The following PCDHGA6 variants were observed in gnomAD, a reference collection of about 807,000 sequenced individuals.
PCDHGA6 encodes the protein protocadherin gamma subfamily A, 6.
A neutral mutation model predicts 60.6 loss-of-function variants in PCDHGA6; 41 were observed. The observed-to-expected ratio is 0.68, with a 90% CI of 0.53 to 0.88. PCDHGA6 has a LOEUF of 0.88. Among genes scored for constraint, PCDHGA6 ranks in the 40% least tolerant of loss-of-function variants. The pLI is 0.00. For missense variants in PCDHGA6, 1,312 were observed against 1,203.0 expected (o/e 1.09, Z -1.34); for synonymous variants, 594 against 524.4 (o/e 1.13, Z -1.81).
chr5:141,435,558 T>C (rs1401876733), intron 1 of PCDHGA6, among the ~76,000 whole-genome samples: 1 of 152,136 alleles, frequency 6.6e-6, no homozygotes, highest in Non-Finnish European at 1.5e-5. Flanking sequence ...TTTTGAGTGC[T>C]TTTTTTAGTA....
chr5:141,395,053 A>T (rs1210765378), intron 1 of PCDHGA6: 1 of 1,614,062 alleles, frequency 6.2e-7, no homozygotes, highest in East Asian at 2.2e-5. Context: ...GAGGAGGTAC[A>T]GGCTTTCCTG....
chr5:141,484,949 A>C, intron 1 of PCDHGA6: 1 of 557,400 alleles, frequency 1.8e-6, no homozygotes, highest in Non-Finnish European at 3.2e-6. Context: ...TGCTCAGCCT[A>C]TTGGCTGAGC....
chr5:141,400,776 G>A (rs1461818790), intron 1 of PCDHGA6: 9 of 557,602 alleles, frequency 1.6e-5, no homozygotes, highest in Middle Eastern at 4.6e-4. Context: ...CATTTGGTGC[G>A]TTTTTTTGTC....
rs1377364370 is a variant in PCDHGA6, at chr5:141,477,489, C to T, written c.2425-17318C>T. 1 of 1,614,048 alleles carries T rather than the reference C, an allele frequency of 6.2e-7. No homozygotes were observed. Among genetic ancestry groups the T allele is most frequent in the Non-Finnish European group, 8.5e-7 (1 of 1,180,044 alleles). On this transcript the variant is annotated intron_variant, in intron 1 of 3. Coordinates refer to ENST00000517434, the MANE Select transcript of PCDHGA6 (RefSeq NM_018919.3). This position sits in a 1 kb window ranked among gnomAD's most constrained non-coding sequence, Gnocchi z 4.9. ...ATCAATGACAACCCTCCACAATCTT[C>T]TCAATCTTCCTACGACGTTTACATT...
chr5:141,444,377 G>A (rs1035830834), intron 1 of PCDHGA6, among the ~76,000 whole-genome samples: 3 of 151,802 alleles, frequency 2.0e-5, no homozygotes, highest in Non-Finnish European at 4.4e-5. Context: ...CTCCATGTTG[G>A]TCAGGCTAGT....
At chr5:141,484,311 C>T (rs1234690996) in intron 1 of PCDHGA6, among the ~76,000 whole-genome samples, 2 of 152,196 alleles carry the variant, frequency 1.3e-5, no homozygotes, top group African/African-American at 4.8e-5. Flanking sequence ...CTCCACCCCG[C>T]TTCCATACTG....
intron 1 of PCDHGA6, chr5:141,426,612 G>A (rs2096947310): frequency 2.6e-6 from 1 of 384,602 alleles, no homozygotes; most frequent in Non-Finnish European, 5.3e-6. Flanking sequence ...GATTGTAGCA[G>A]AGAATCCTCT....
intron 1 of PCDHGA6, among the ~76,000 whole-genome samples, chr5:141,397,772 A>G (rs1352118170): frequency 6.6e-6 from 1 of 152,238 alleles, no homozygotes; most frequent in Non-Finnish European, 1.5e-5. Context: ...TATTAAGTAT[A>G]TGGACGTAAA....
intron 1 of PCDHGA6, chr5:141,484,980 A>C (rs1387732109): frequency 1.7e-6 from 1 of 593,836 alleles, no homozygotes; most frequent in Admixed American, 3.1e-5. Flanking sequence ...CTGTCTGCCA[A>C]TCGGGTGGTG....
At chr5:141,500,455 C>T (rs1254764658) in intron 2 of PCDHGA6, among the ~76,000 whole-genome samples, 4 of 151,986 alleles carry the variant, frequency 2.6e-5, no homozygotes, top group Non-Finnish European at 5.9e-5. Context: ...GTGATCCGCC[C>T]GCCTCGGCCT....
Position 141,496,029 on chromosome 5 carries a change from C to T in PCDHGA6, c.2483+1164C>T, listed in dbSNP as rs548231443. ...TTGTCTTTTTTCTCTGAGCCTCTGTCTCTGTCTCTCATTTTTTTGTGCTTG... is the reference window on the plus strand; with the variant it reads ...TTGTCTTTTTTCTCTGAGCCTCTGTTTCTGTCTCTCATTTTTTTGTGCTTG... On this transcript the variant is annotated intron_variant, in intron 2 of 3. Coordinates refer to ENST00000517434, the MANE Select transcript of PCDHGA6 (RefSeq NM_018919.3). Among the ~76,000 whole-genome samples, 3 of 152,088 alleles carry T rather than the reference C, an allele frequency of 2.0e-5. No individual in the cohort carries two copies. In the East Asian group the frequency reaches 5.8e-4, roughly 29 times the overall value.
At chr5:141,405,441 A>G (rs1049992632) in intron 1 of PCDHGA6, 1 of 1,376,552 alleles carries the variant, frequency 7.3e-7, no homozygotes, top group Non-Finnish European at 1.0e-6. Context: ...TGTTTTTGAG[A>G]CAGAGTCTTA....
At chr5:141,411,732 A>C (rs1437829295) in intron 1 of PCDHGA6, 4 of 152,694 alleles carry the variant, frequency 2.6e-5, no homozygotes, top group African/African-American at 9.7e-5. Flanking sequence ...ACATTTAAAA[A>C]TTAGCAGGGT....
rs114847835 is a variant in PCDHGA6, at chr5:141,486,500, C to T, written c.2425-8307C>T. The T allele has an allele frequency of 6.2e-6, 10 of 1,614,008 alleles. No homozygotes were observed. The East Asian group carries it at 1.8e-4, about 29-fold the overall frequency. On this transcript the variant is annotated intron_variant, in intron 1 of 3. Coordinates refer to ENST00000517434, the MANE Select transcript of PCDHGA6 (RefSeq NM_018919.3). This position sits in a 1 kb window ranked among gnomAD's most constrained non-coding sequence, Gnocchi z 5.0. ...TCTCAGTACCCACAGAACTATTTTCCTCAATATTTCAGATGTGAATGATAA... is the reference window on the plus strand; with the variant it reads ...TCTCAGTACCCACAGAACTATTTTCTTCAATATTTCAGATGTGAATGATAA...
chr5:141,487,905 G>C lies in PCDHGA6; in HGVS notation c.2425-6902G>C. The C allele has an allele frequency of 1.5e-6, 1 of 686,388 alleles. No individual in the cohort carries two copies. 42.5% of individuals were successfully genotyped at this position (686,388 alleles called of 1,614,324 possible). On this transcript the variant is annotated intron_variant, in intron 1 of 3. Transcript: ENST00000517434. This position sits in a 1 kb window ranked among gnomAD's most constrained non-coding sequence, Gnocchi z 5.0. ...GTGGAAGCATGATGATGGAATGTGG[G>C]AGCACAGGAGGCTACAGTGCACAGG...
In PCDHGA6 at chr5:141,423,579, G is replaced by A. The variant is rs760902886; in HGVS notation, c.2424+47072G>A. 6 of 1,613,378 alleles carry A rather than the reference G, an allele frequency of 3.7e-6. No homozygotes were observed. In the East Asian group the frequency reaches 1.3e-4, roughly 36 times the overall value. ...ATGGGGACACGCTCATCAGCCAGGA[G>A]AGCTGTGAGAAAAGCGAGCCACTCT... On this transcript the variant is annotated intron_variant, in intron 1 of 3. Transcript: ENST00000517434.
chr5:141,408,287 C>G (rs2095075582), intron 1 of PCDHGA6: 1 of 1,613,354 alleles, frequency 6.2e-7, no homozygotes, highest in African/African-American at 1.3e-5. Flanking sequence ...CTACCCCACC[C>G]TGAGTGAGCC....
chr5:141,423,751 G>GT, intron 1 of PCDHGA6: 12 of 349,026 alleles, frequency 3.4e-5, no homozygotes, highest in Non-Finnish European at 4.3e-5. Context: ...AAAACTGTTT[G>GT]GGGGGGGGGT....
chr5:141,408,842 G>A, intron 1 of PCDHGA6: 1 of 1,613,598 alleles, frequency 6.2e-7, no homozygotes, highest in African/African-American at 1.3e-5. Flanking sequence ...GATATTGACT[G>A]CCTTGGACGG....
Sources: gnomAD v4.1 joint callset for allele counts (sites outside exome capture counted in the v4.1 genomes callset) on GRCh38, gnomAD v4.1.1 for gene constraint, Gnocchi (gnomAD v3.1) non-coding constraint, MANE v1.5 for transcripts, NCBI Gene and HGNC (gene_info 2026-07-23, HGNC 2026-07-21) for gene names.